CNTN5: variants seen among roughly 807,000 people sequenced by gnomAD.
CNTN5 encodes contactin-5.
In CNTN5, 77 loss-of-function variants were observed where a neutral mutation model predicts 129.1. That is an observed-to-expected ratio of 0.60 (90% CI 0.50 to 0.72). The LOEUF is 0.72. Ranked by LOEUF, CNTN5 falls within the 30% of genes least tolerant of loss-of-function variation. The pLI, the probability that CNTN5 is intolerant of heterozygous loss-of-function variation, is 0.00. For synonymous variants in CNTN5, 509 were observed against 465.6 expected (o/e 1.09, Z -1.20); for missense variants, 1,478 against 1,328.8 (o/e 1.11, Z -1.75).
intron 1 of CNTN5, among the ~76,000 whole-genome samples, chr11:99,296,708 A>G (rs1864405237): frequency 6.6e-6 from 1 of 152,202 alleles, no homozygotes; most frequent in African/African-American, 2.4e-5. Context: ...TGTTTTTCCC[A>G]GGGAGTCCAG....
chr11:100,291,333 C>T (rs1157154349), intron 18 of CNTN5, among the ~76,000 whole-genome samples: 1 of 151,894 alleles, frequency 6.6e-6, no homozygotes, highest in African/African-American at 2.4e-5. Flanking sequence ...GCACTATTCA[C>T]AATAGCGAAG....
chr11:100,063,303 T>C (rs140116517), intron 10 of CNTN5, among the ~76,000 whole-genome samples: 1 of 151,808 alleles, frequency 6.6e-6, no homozygotes, highest in African/African-American at 2.4e-5. Flanking sequence ...ACTTAAACAA[T>C]CTGGGGTGTC....
chr11:99,429,852 T>C (rs1040434934), intron 2 of CNTN5, among the ~76,000 whole-genome samples: 1 of 151,938 alleles, frequency 6.6e-6, no homozygotes, highest in Non-Finnish European at 1.5e-5. Context: ...CCCGCCCCCA[T>C]AGTAACAACT....
intron 3 of CNTN5, among the ~76,000 whole-genome samples, chr11:99,665,952 T>TTTTTTTTGTTG (rs1491333496): frequency 4.2e-5 from 1 of 24,038 alleles, no homozygotes; most frequent in Non-Finnish European, 1.7e-4. Flanking sequence ...TTGTTAACTG[T>TTTTTTTTGTTG]TTTTTTTTGT....
At position 100,224,738 on chromosome 11, in the gene CNTN5, A is replaced by G; in HGVS notation, c.1931A>G (p.His644Arg). 1 of 1,612,888 alleles carries G rather than the reference A, an allele frequency of 6.2e-7. No individual in the cohort carries two copies. The highest frequency in any genetic ancestry group is 8.5e-7 in the Non-Finnish European group (1 of 1,179,010). ...DLMIRNILLM[H>R]AGRYGCRVQT... is the part of the protein sequence containing the mutation. Reference sequence around the variant, plus strand: ...ATGATCAGGAACATCCTTCTGATGCATGCTGGGAGATATGGCTGCAGGGTA... The same window carrying G: ...ATGATCAGGAACATCCTTCTGATGCGTGCTGGGAGATATGGCTGCAGGGTA... The change falls in exon 16 of 25, where the codon CAT becomes CGT. Residue 644 changes from histidine (H) to arginine (R), a missense_variant. By Grantham distance (29) the His-to-Arg change is conservative. Transcript: ENST00000524871.
At chr11:99,946,215 A>G (rs1010923263) in intron 7 of CNTN5, among the ~76,000 whole-genome samples, 11 of 152,284 alleles carry the variant, frequency 7.2e-5, no homozygotes, top group Admixed American at 2.0e-4. Flanking sequence ...TCCTATTTCC[A>G]CAACTATAAT....
chr11:99,954,217 G>A (rs1190763598), intron 7 of CNTN5, among the ~76,000 whole-genome samples: 1 of 152,154 alleles, frequency 6.6e-6, no homozygotes, highest in African/African-American at 2.4e-5. Context: ...TCATGCAAAA[G>A]CATTCTCGAG....
intron 8 of CNTN5, among the ~76,000 whole-genome samples, chr11:99,961,494 T>G (rs1048110089): frequency 4.6e-5 from 7 of 151,952 alleles, no homozygotes; most frequent in Non-Finnish European, 1.0e-4. Flanking sequence ...CAGAATAAAG[T>G]GTAAGGGGTC....
At chr11:99,471,638 T>A (rs1036297765) in intron 2 of CNTN5, among the ~76,000 whole-genome samples, 31 of 151,220 alleles carry the variant, frequency 2.0e-4, no homozygotes, top group African/African-American at 7.6e-4. Flanking sequence ...CTTCATGTGT[T>A]TTTTTTTTCC....
intron 2 of CNTN5, among the ~76,000 whole-genome samples, chr11:99,541,984 AG>A (rs56013117): frequency 0.39 from 54,627 of 141,584 alleles, 11,089 homozygotes; most frequent in African/African-American, 0.42. Flanking sequence ...AAAAAAGAAA[AG>A]AAAAGAAAGA....
At chr11:99,498,987 C>T (rs544055933) in intron 2 of CNTN5, among the ~76,000 whole-genome samples, 1 of 152,210 alleles carries the variant, frequency 6.6e-6, no homozygotes, top group East Asian at 1.9e-4. Context: ...GCAGCTCTAC[C>T]TCTGATGTTT....
intron 2 of CNTN5, among the ~76,000 whole-genome samples, chr11:99,454,244 A>G (rs763712703): frequency 1.3e-5 from 2 of 152,336 alleles, no homozygotes; most frequent in South Asian, 2.1e-4. Flanking sequence ...ATACTCAGCT[A>G]TAAAATAATA....
At chr11:99,746,096 T>G (rs1944047480) in intron 3 of CNTN5, among the ~76,000 whole-genome samples, 1 of 152,232 alleles carries the variant, frequency 6.6e-6, no homozygotes, top group African/African-American at 2.4e-5. Context: ...GTATTTTAGT[T>G]TCTATTTAAA....
intron 8 of CNTN5, among the ~76,000 whole-genome samples, chr11:99,975,812 G>A (rs1014529729): frequency 4.6e-5 from 7 of 151,918 alleles, no homozygotes; most frequent in East Asian, 1.9e-4. Context: ...TCATTCTACC[G>A]CGGCCCCTCC....
At chr11:100,126,340 T>A (rs937038252) in intron 13 of CNTN5, among the ~76,000 whole-genome samples, 1 of 152,126 alleles carries the variant, frequency 6.6e-6, no homozygotes, top group African/African-American at 2.4e-5. Context: ...AAGTCCAGAA[T>A]TCACTTGTTA....
At chr11:99,847,574 C>G (rs1947740344) in intron 6 of CNTN5, among the ~76,000 whole-genome samples, 1 of 152,152 alleles carries the variant, frequency 6.6e-6, no homozygotes, top group African/African-American at 2.4e-5. Flanking sequence ...TTAAAGCAGA[C>G]AGTTACCCAG....
chr11:99,987,570 T>C (rs1327901630), intron 8 of CNTN5, among the ~76,000 whole-genome samples: 1 of 150,916 alleles, frequency 6.6e-6, no homozygotes, highest in Non-Finnish European at 1.5e-5. Context: ...CATACATATA[T>C]GCACAGAGAG....
At chr11:100,031,877 C>T (rs770585) in intron 9 of CNTN5, among the ~76,000 whole-genome samples, 16,151 of 152,168 alleles carry the variant, frequency 0.11, 994 homozygotes, top group Middle Eastern at 0.24. Context: ...CCTGCCCTCA[C>T]TAAACTTAAT....
At chr11:99,848,556 A>G (rs1947775227) in intron 6 of CNTN5, among the ~76,000 whole-genome samples, 1 of 152,182 alleles carries the variant, frequency 6.6e-6, no homozygotes, top group South Asian at 2.1e-4. Flanking sequence ...TCTTAAATTT[A>G]TTAAATGTTT....
Sources: gnomAD v4.1 joint callset for allele counts (sites outside exome capture counted in the v4.1 genomes callset) on GRCh38, gnomAD v4.1.1 for gene constraint, MANE v1.5 for transcripts, NCBI Gene and HGNC (gene_info 2026-07-23, HGNC 2026-07-21) for gene names.